COL9A1: variants seen among roughly 807,000 people sequenced by gnomAD.
COL9A1 encodes collagen type IX alpha 1 chain, also known as collagen alpha-1(IX) chain.
COL9A1 carries 104 observed loss-of-function variants against 142.6 expected under a neutral mutation model. The observed-to-expected ratio is 0.73, with a 90% CI of 0.62 to 0.86. The LOEUF is 0.86. Ranked by LOEUF, COL9A1 falls within the 40% of genes least tolerant of loss-of-function variation. The probability of loss-of-function intolerance (pLI) is 0.00; values close to 1 mark genes in which losing one functional copy is unlikely to be tolerated. For synonymous variants in COL9A1, 466 were observed against 396.0 expected (o/e 1.18, Z -2.10); for missense variants, 1,210 against 1,176.6 (o/e 1.03, Z -0.42).
chr6:70,216,033 G>T (rs1768481338), downstream of COL9A1: 1 of 152,192 alleles, frequency 6.6e-6, no homozygotes, highest in Non-Finnish European at 1.5e-5. Context: ...TACACCTATA[G>T]AACCAGTAGT....
chr6:70,287,043 G>A (rs1446942793), intron 5 of COL9A1, among the ~76,000 whole-genome samples: 1 of 152,204 alleles, frequency 6.6e-6, no homozygotes, highest in African/African-American at 2.4e-5. Flanking sequence ...GGAGATGACA[G>A]AAATATTTTT....
intron 31 of COL9A1, among the ~76,000 whole-genome samples, chr6:70,241,064 C>T (rs1202491255): frequency 6.6e-6 from 1 of 152,156 alleles, no homozygotes; most frequent in Non-Finnish European, 1.5e-5. Flanking sequence ...TTCATATAAA[C>T]AGTTTATTTG....
Position 70,221,292 on chromosome 6 carries a change from G to C in COL9A1, c.2582-4211C>G, listed in dbSNP as rs182150578. 3.3e-5 allele frequency among the ~76,000 whole-genome samples: 5 copies of C among 151,756 alleles called. No individual in the cohort carries two copies. The East Asian group carries it at 9.7e-4, about 29-fold the overall frequency. On this transcript the variant is annotated intron_variant, in intron 37 of 37. Coordinates refer to ENST00000357250, the MANE Select transcript of COL9A1 (RefSeq NM_001851.6). ...AGTGAATAATTTTCACATTAAATAG[G>C]GTATTTCATAATTAATCCACTGGTT...
intron 4 of COL9A1, 109 bp from the exon 5 acceptor site, chr6:70,294,672 A>G (rs1773788064): frequency 9.5e-7 from 1 of 1,052,924 alleles, no homozygotes; most frequent in Admixed American, 1.8e-5. Context: ...TAGAAAAGCT[A>G]CAGTGTAAAA....
At chr6:70,248,897 G>A (rs1424999139) in intron 28 of COL9A1, among the ~76,000 whole-genome samples, 1 of 152,126 alleles carries the variant, frequency 6.6e-6, no homozygotes, top group African/African-American at 2.4e-5. Context: ...CTTCTATCTG[G>A]GGGACAGGGC....
chr6:70,296,952 T>C (rs1339024684), intron 4 of COL9A1, among the ~76,000 whole-genome samples: 8 of 152,134 alleles, frequency 5.3e-5, no homozygotes, highest in Admixed American at 5.2e-4. Flanking sequence ...GCTTCAACTA[T>C]AGATATACTG....
intron 31 of COL9A1, 104 bp from the exon 32 acceptor site, chr6:70,240,837 A>G: frequency 1.1e-6 from 1 of 874,422 alleles, no homozygotes; most frequent in Non-Finnish European, 2.0e-6. Flanking sequence ...CAGTGTTCCC[A>G]GAATCATGCA....
intron 28 of COL9A1, among the ~76,000 whole-genome samples, chr6:70,248,757 C>T (rs1213124235): frequency 6.6e-6 from 1 of 152,144 alleles, no homozygotes; most frequent in East Asian, 1.9e-4. Context: ...TGATTGAGTG[C>T]TACCTTATGG....
intron 5 of COL9A1, among the ~76,000 whole-genome samples, chr6:70,287,846 A>G (rs1773515032): frequency 6.6e-6 from 1 of 152,164 alleles, no homozygotes; most frequent in Non-Finnish European, 1.5e-5. Flanking sequence ...CCTCTCCTAT[A>G]TTACAGATCC....
In COL9A1 at chr6:70,282,113, T is replaced by C. The variant is rs1773201987; in HGVS notation, c.802-649A>G. On this transcript the variant is annotated intron_variant, in intron 7 of 37. Coordinates refer to ENST00000357250, the MANE Select transcript of COL9A1 (RefSeq NM_001851.6). ...CCTGGGGCGTGACCCCTTTTATCGCTTGCAAACAGCTGCGTTTTGATGGTG... is the reference window on the plus strand; with the variant it reads ...CCTGGGGCGTGACCCCTTTTATCGCCTGCAAACAGCTGCGTTTTGATGGTG... Among the ~76,000 whole-genome samples the C allele has an allele frequency of 2.0e-5, 3 of 152,142 alleles. No homozygotes were observed. In the South Asian group the frequency reaches 6.2e-4, roughly 32 times the overall value.
chr6:70,274,842 T>C (rs1212818687), intron 10 of COL9A1, 70 bp from the exon 11 acceptor site: 3 of 1,241,882 alleles, frequency 2.4e-6, no homozygotes, highest in Middle Eastern at 3.7e-4. Context: ...TAGAAAACTT[T>C]CATTTTATTT....
At chr6:70,232,447 T>A in intron 36 of COL9A1, 136 bp downstream of exon 36, 1 of 1,028,174 alleles carries the variant, frequency 9.7e-7, no homozygotes, top group South Asian at 1.3e-5. Flanking sequence ...TCACCGTCAC[T>A]ATTGAAAAGA....
chr6:70,219,267 T>G (rs1200011568), intron 37 of COL9A1, among the ~76,000 whole-genome samples: 5 of 151,930 alleles, frequency 3.3e-5, no homozygotes, highest in African/African-American at 1.2e-4. Flanking sequence ...GAGAAGGAAA[T>G]GCCCAAAGAA....
intron 18 of COL9A1, among the ~76,000 whole-genome samples, chr6:70,263,928 C>T (rs139773398): frequency 1.3e-5 from 2 of 151,614 alleles, no homozygotes; most frequent in East Asian, 3.9e-4. Context: ...TGTAATTACC[C>T]GTAATTTGTT....
At chr6:70,275,476 T>A (rs1184555641) in intron 10 of COL9A1, among the ~76,000 whole-genome samples, 4 of 152,120 alleles carry the variant, frequency 2.6e-5, no homozygotes, top group Non-Finnish European at 4.4e-5. Flanking sequence ...AAGCCTATTA[T>A]TATAAACCAC....
At chr6:70,235,029 C>T (rs867654010) in intron 33 of COL9A1, 89 bp from the exon 34 acceptor site, 15 of 1,527,082 alleles carry the variant, frequency 9.8e-6, no homozygotes, top group African/African-American at 4.1e-5. Flanking sequence ...ATGAAATTTG[C>T]GGTTTCCTGC....
In COL9A1 at chr6:70,281,046, G is replaced by A. The variant is rs372416566; in HGVS notation, c.877-7C>T. 1.9e-6 allele frequency: 3 copies of A among 1,607,982 alleles called. No individual in the cohort carries two copies. Among genetic ancestry groups the A allele is most frequent in the Non-Finnish European group, 2.5e-6 (3 of 1,177,934 alleles). ...CCTTAGGACCTCGGTCACCCTGGAG[G>A]GGTAGGAGAAAAAGAGAGAGCAGTC... On this transcript the variant is annotated splice_region_variant and splice_polypyrimidine_tract_variant and intron_variant, in intron 8 of 37. Coordinates refer to ENST00000357250, the MANE Select transcript of COL9A1 (RefSeq NM_001851.6).
chr6:70,220,139 GTCATCATCATCA>G lies in COL9A1; in HGVS notation c.2582-3070_2582-3059del, dbSNP rs147934773. On this transcript the variant is annotated intron_variant, in intron 37 of 37. Coordinates refer to ENST00000357250, the MANE Select transcript of COL9A1 (RefSeq NM_001851.6). ...TTTACCCTTTGGAGCTTTTGATGAT[GTCATCATCATCA>G]TCATCATCATCATCATCACCACAAA... Among the ~76,000 whole-genome samples, 2 of 151,106 alleles carry G rather than the reference GTCATCATCATCA, an allele frequency of 1.3e-5. 1 individual carries two copies. The highest frequency in any genetic ancestry group is 1.3e-4 in the Admixed American group (2 of 15,192).
At chr6:70,234,084 G>A (rs879606900) in intron 35 of COL9A1, among the ~76,000 whole-genome samples, 6 of 152,242 alleles carry the variant, frequency 3.9e-5, no homozygotes, top group Admixed American at 2.6e-4. Flanking sequence ...CATGAATGGC[G>A]ATAATGTCCT....
Sources: gnomAD v4.1 joint callset for allele counts (sites outside exome capture counted in the v4.1 genomes callset) on GRCh38, gnomAD v4.1.1 for gene constraint, MANE v1.5 for transcripts, NCBI Gene and HGNC (gene_info 2026-07-23, HGNC 2026-07-21) for gene names.